SYNDIG1: variants seen among roughly 807,000 people sequenced by gnomAD.
SYNDIG1 encodes the protein synapse differentiation-inducing gene protein 1.
In SYNDIG1, 9 loss-of-function variants were observed where a neutral mutation model predicts 19.4. The ratio of observed to expected loss-of-function variants is 0.46; its 90% CI spans 0.28 to 0.81. The LOEUF (loss-of-function observed/expected upper bound fraction) is 0.81, where lower values mean the gene tolerates loss of function less well. Ranked by LOEUF, SYNDIG1 falls within the 30% of genes least tolerant of loss-of-function variation. The pLI, the probability that SYNDIG1 is intolerant of heterozygous loss-of-function variation, is 0.12. For synonymous variants in SYNDIG1, 141 were observed against 145.9 expected (o/e 0.97, Z 0.24); for missense variants, 311 against 343.3 (o/e 0.91, Z 0.74).
intron 1 of SYNDIG1, among the ~76,000 whole-genome samples, chr20:24,542,097 A>G (rs1404528436): frequency 6.6e-6 from 1 of 152,230 alleles, no homozygotes; most frequent in East Asian, 1.9e-4. Flanking sequence ...GGAAATGACA[A>G]AATAAAATTC....
intron 1 of SYNDIG1, among the ~76,000 whole-genome samples, chr20:24,519,706 T>C (rs1186514031): frequency 6.6e-6 from 1 of 152,208 alleles, no homozygotes; most frequent in South Asian, 2.1e-4. Flanking sequence ...TTTGATCTTT[T>C]GGTAAAGTTG....
intron 3 of SYNDIG1, among the ~76,000 whole-genome samples, chr20:24,598,620 G>C (rs1300696049): frequency 6.6e-6 from 1 of 152,230 alleles, no homozygotes. Context: ...ACCTCTAGGT[G>C]CTCAGGATCG....
chr20:24,619,605 A>T (rs1267141336), intron 3 of SYNDIG1, among the ~76,000 whole-genome samples: 2 of 152,256 alleles, frequency 1.3e-5, no homozygotes, highest in African/African-American at 2.4e-5. Context: ...GCACACACAT[A>T]ATTCAAGAAC....
intron 1 of SYNDIG1, among the ~76,000 whole-genome samples, chr20:24,539,697 T>C (rs888982996): frequency 5.3e-5 from 8 of 152,208 alleles, no homozygotes; most frequent in African/African-American, 1.9e-4. Flanking sequence ...ATGTTAAGGT[T>C]CCCAGTGCAT....
intron 3 of SYNDIG1, among the ~76,000 whole-genome samples, chr20:24,638,821 T>A (rs2059343064): frequency 6.6e-6 from 1 of 152,344 alleles, no homozygotes; most frequent in East Asian, 1.9e-4. Context: ...TGACTCAGCT[T>A]GGGCTTGTGA....
At chr20:24,660,942 G>C (rs754440738) in intron 3 of SYNDIG1, among the ~76,000 whole-genome samples, 2 of 152,232 alleles carry the variant, frequency 1.3e-5, no homozygotes, top group African/African-American at 4.8e-5. Flanking sequence ...GGTAGGAACC[G>C]GCTGGTCACC....
chr20:24,522,080 T>C (rs755752326), intron 1 of SYNDIG1, among the ~76,000 whole-genome samples: 5 of 152,102 alleles, frequency 3.3e-5, no homozygotes, highest in Non-Finnish European at 7.3e-5. Context: ...TGTTCTATCT[T>C]TTTTTCTTTT....
intron 1 of SYNDIG1, among the ~76,000 whole-genome samples, chr20:24,540,659 C>T (rs762538176): frequency 3.9e-5 from 6 of 152,076 alleles, no homozygotes; most frequent in Admixed American, 1.3e-4. Flanking sequence ...GAGATAATTA[C>T]GTATTTTTTG....
At chr20:24,643,892 C>T (rs556190983) in intron 3 of SYNDIG1, among the ~76,000 whole-genome samples, 4 of 152,316 alleles carry the variant, frequency 2.6e-5, no homozygotes, top group African/African-American at 9.6e-5. Context: ...CTGAGTTCTC[C>T]TTCTTGCCCC....
chr20:24,552,445 T>G (rs550506549), intron 2 of SYNDIG1, among the ~76,000 whole-genome samples: 1 of 152,298 alleles, frequency 6.6e-6, no homozygotes, highest in South Asian at 2.1e-4. Flanking sequence ...CACCTAATGC[T>G]ATCCCTCCCC....
Position 24,476,196 on chromosome 20 carries a change from T to TCTGTTGACTCA in SYNDIG1, c.-79+6443_-79+6444insCTGTTGACTCA, listed in dbSNP as rs2055620925. On this transcript the variant is annotated intron_variant, in intron 1 of 3. Coordinates refer to ENST00000376862, the MANE Select transcript of SYNDIG1 (RefSeq NM_024893.3). ...AGTATCTTAACAGTTTTTTTTCTTA[T>TCTGTTGACTCA]ATACTAAACCCAGAGATACAGCTCA... Among the ~76,000 whole-genome samples the TCTGTTGACTCA allele has an allele frequency of 1.3e-5, 2 of 151,912 alleles. 1 individual carries two copies. Among genetic ancestry groups the TCTGTTGACTCA allele is most frequent in the East Asian group, 4.1e-4 (2 of 4,822 alleles).
intron 3 of SYNDIG1, among the ~76,000 whole-genome samples, chr20:24,653,990 G>A (rs1196077871): frequency 3.3e-5 from 5 of 152,302 alleles, no homozygotes; most frequent in South Asian, 2.1e-4. Flanking sequence ...TGAGGTACTG[G>A]GGGCCAGGAT....
At chr20:24,554,060 T>G (rs550957999) in intron 2 of SYNDIG1, among the ~76,000 whole-genome samples, 1 of 152,344 alleles carries the variant, frequency 6.6e-6, no homozygotes, top group South Asian at 2.1e-4. Context: ...TATTTTATTC[T>G]CTTTGAAGCA....
chr20:24,665,412 C>T lies in SYNDIG1; in HGVS notation c.685C>T (p.Leu229=). The change falls in exon 4 of 4, where the codon CTG becomes TTG. Residue 229 remains leucine, a synonymous_variant. Transcript: ENST00000376862. The part of the protein sequence containing the change: ...ASTSSRRALF[L]AVLSITIGTG... ...CACCAGCTCCCGGCGGGCCCTATTCCTGGCAGTGCTGTCCATCACCATTGG... is the reference window on the plus strand; with the variant it reads ...CACCAGCTCCCGGCGGGCCCTATTCTTGGCAGTGCTGTCCATCACCATTGG... 6.2e-7 allele frequency: 1 copy of T among 1,613,174 alleles called. No homozygotes were observed. Among genetic ancestry groups the T allele is most frequent in the Middle Eastern group, 1.7e-4 (1 of 6,054 alleles).
intron 2 of SYNDIG1, among the ~76,000 whole-genome samples, chr20:24,553,876 T>C (rs540061484): frequency 7.4e-4 from 112 of 152,332 alleles, no homozygotes; most frequent in Non-Finnish European, 1.1e-3. Context: ...GGAGATGCCA[T>C]TGAATCTATA....
chr20:24,513,124 G>A (rs2056785815), intron 1 of SYNDIG1, among the ~76,000 whole-genome samples: 2 of 152,162 alleles, frequency 1.3e-5, no homozygotes, highest in South Asian at 2.1e-4. Context: ...AACCCCATCT[G>A]TATATCACCA....
In SYNDIG1 at chr20:24,576,013, G is replaced by A. The variant is rs150619860; in HGVS notation, c.481-8843G>A. On this transcript the variant is annotated intron_variant, in intron 2 of 3. Coordinates refer to ENST00000376862, the MANE Select transcript of SYNDIG1 (RefSeq NM_024893.3). ...GAGCACAGTGAGAAACCACTGCATC[G>A]GTGACAGCACGAAAGTCCCTCTCCT... 2.4e-4 allele frequency among the ~76,000 whole-genome samples: 37 copies of A among 152,114 alleles called. 1 individual carries two copies. The East Asian group carries it at 3.9e-3, about 16-fold the overall frequency.
intron 1 of SYNDIG1, among the ~76,000 whole-genome samples, chr20:24,531,821 A>ATGGCT (rs936737360): frequency 6.6e-6 from 1 of 152,214 alleles, no homozygotes; most frequent in Non-Finnish European, 1.5e-5. Flanking sequence ...GGTGGGGAAG[A>ATGGCT]TGGCTTCTGC....
In SYNDIG1 at chr20:24,586,181, G is replaced by A. The variant is rs560297129; in HGVS notation, c.618+1188G>A. On this transcript the variant is annotated intron_variant, in intron 3 of 3. Transcript: ENST00000376862. ...CCTGAGGGCAAGCGCTTCCTGACAG[G>A]GCACAAGAAGTTGGGAAGCTTTTGC... Among the ~76,000 whole-genome samples the A allele has an allele frequency of 2.0e-5, 3 of 152,280 alleles. No individual in the cohort carries two copies. The South Asian group carries it at 6.2e-4, about 32-fold the overall frequency.
Sources: allele counts gnomAD v4.1 joint callset (sites outside exome capture counted in the v4.1 genomes callset), GRCh38; gene constraint gnomAD v4.1.1; transcripts MANE v1.5; gene names NCBI Gene and HGNC (gene_info 2026-07-23, HGNC 2026-07-21).